TNIK: variants seen among roughly 807,000 people sequenced by gnomAD.
TNIK encodes the protein TRAF2 and NCK interacting kinase, also known as TRAF2 and NCK-interacting protein kinase.
Under a neutral mutation model 191.3 loss-of-function variants are expected in TNIK, and 49 were observed. The observed-to-expected ratio is 0.26, with a 90% confidence interval of 0.20 to 0.32. The LOEUF (loss-of-function observed/expected upper bound fraction) is 0.32, where lower values mean the gene tolerates loss of function less well. Ranked by LOEUF, TNIK falls within the 10% of genes least tolerant of loss-of-function variation. TNIK has a pLI of 1.00. For synonymous variants in TNIK, 594 were observed against 600.9 expected, an observed-to-expected ratio of 0.99 and a Z score of 0.17; for missense variants, 1,155 against 1,702.3, an observed-to-expected ratio of 0.68 and a Z score of 5.66.
In TNIK at chr3:171,188,195, G is replaced by A. The variant is rs75325148; in HGVS notation, c.639+507C>T. ...ATTTCTATGAAACATCAGGCCACAC[G>A]ACAGAAATACCATAAAGTAGTCACC... On this transcript the variant is annotated intron_variant, in intron 7 of 32. Transcript: ENST00000436636. Among the ~76,000 whole-genome samples, 559 of 152,254 alleles carry A rather than the reference G, an allele frequency of 3.7e-3. 3 individuals are homozygous for A. The highest frequency in any genetic ancestry group is 0.013 in the African/African-American group (532 of 41,558).
intron 9 of TNIK, among the ~76,000 whole-genome samples, chr3:171,174,893 A>G (rs1055808976): frequency 6.6e-6 from 1 of 152,024 alleles, no homozygotes; most frequent in African/African-American, 2.4e-5. Context: ...AAATCAGCCA[A>G]TCTAACAGGC....
chr3:171,205,392 C>T (rs1739931569), intron 4 of TNIK, among the ~76,000 whole-genome samples: 1 of 152,198 alleles, frequency 6.6e-6, no homozygotes, highest in Non-Finnish European at 1.5e-5. Flanking sequence ...TGCATAGACG[C>T]GAGTCTGACG....
At chr3:171,127,841 A>C (rs2108578029) in intron 16 of TNIK, among the ~76,000 whole-genome samples, 1 of 152,344 alleles carries the variant, frequency 6.6e-6, no homozygotes, top group Admixed American at 6.5e-5. Context: ...AAACAGCATT[A>C]CATATTTCAA....
chr3:171,407,336 G>T (rs956282585), intron 1 of TNIK, among the ~76,000 whole-genome samples: 3 of 152,178 alleles, frequency 2.0e-5, no homozygotes, highest in African/African-American at 7.2e-5. Flanking sequence ...GTGATGGTAA[G>T]ATTCTATTAA....
At chr3:171,385,219 C>G (rs1200074408) in intron 1 of TNIK, among the ~76,000 whole-genome samples, 1 of 152,026 alleles carries the variant, frequency 6.6e-6, no homozygotes, top group Non-Finnish European at 1.5e-5. Flanking sequence ...ACTGAGGTAT[C>G]TACTGCTTTG....
intron 2 of TNIK, among the ~76,000 whole-genome samples, chr3:171,300,482 C>A (rs1197724617): frequency 6.6e-6 from 1 of 151,910 alleles, no homozygotes; most frequent in Middle Eastern, 3.2e-3. Context: ...ACATCCTTTC[C>A]TTATAAGACC....
At chr3:171,082,224 G>T (rs1481181024) in intron 27 of TNIK, 27 bp downstream of exon 27, 43 of 1,606,440 alleles carry the variant, frequency 2.7e-5, no homozygotes, top group Non-Finnish European at 3.6e-5. Flanking sequence ...GTATGGACCT[G>T]GGGGACTCAT....
intron 2 of TNIK, chr3:171,346,888 G>T: frequency 5.8e-6 from 2 of 346,662 alleles, no homozygotes; most frequent in Non-Finnish European, 5.2e-6. Context: ...GTTTACTCTT[G>T]ATCACATGGG....
chr3:171,283,211 C>A (rs1560370058), intron 2 of TNIK, among the ~76,000 whole-genome samples: 2 of 150,700 alleles, frequency 1.3e-5, no homozygotes, highest in Non-Finnish European at 2.9e-5. Flanking sequence ...CCAAATACTC[C>A]TTGGATTTCG....
At chr3:171,301,754 C>T (rs939037267) in intron 2 of TNIK, among the ~76,000 whole-genome samples, 4 of 152,176 alleles carry the variant, frequency 2.6e-5, no homozygotes, top group African/African-American at 9.7e-5. Context: ...AGCAGCTATA[C>T]AGTAATCATT....
intron 12 of TNIK, among the ~76,000 whole-genome samples, chr3:171,154,753 C>T (rs1232067498): frequency 6.6e-6 from 1 of 152,134 alleles, no homozygotes; most frequent in Non-Finnish European, 1.5e-5. Context: ...CTTTTTCTCA[C>T]CATTGATGGA....
chr3:171,076,006 G>T (rs1278571984), intron 28 of TNIK, among the ~76,000 whole-genome samples: 15 of 152,130 alleles, frequency 9.9e-5, no homozygotes, highest in Admixed American at 9.8e-4. Context: ...AAAGTGCTGG[G>T]ATTACAGGCG....
At chr3:171,090,725 G>A (rs1721954789) in intron 23 of TNIK, among the ~76,000 whole-genome samples, 1 of 152,196 alleles carries the variant, frequency 6.6e-6, no homozygotes, top group African/African-American at 2.4e-5. Flanking sequence ...CACAGCTGGT[G>A]TGGTGTATTC....
chr3:171,226,127 C>G (rs181688572), intron 3 of TNIK, among the ~76,000 whole-genome samples: 1 of 152,128 alleles, frequency 6.6e-6, no homozygotes, highest in Non-Finnish European at 1.5e-5. Context: ...CCAGTATCCA[C>G]TCTCCCTTCA....
chr3:171,350,779 C>G (rs890281881), intron 2 of TNIK, among the ~76,000 whole-genome samples: 3 of 151,932 alleles, frequency 2.0e-5, no homozygotes, highest in Admixed American at 1.3e-4. Flanking sequence ...TACTATTATT[C>G]CTAAATTTCA....
chr3:171,189,238 C>T (rs1737730508), intron 6 of TNIK, among the ~76,000 whole-genome samples: 1 of 152,186 alleles, frequency 6.6e-6, no homozygotes, highest in Non-Finnish European at 1.5e-5. Flanking sequence ...ATCCACGTTG[C>T]AGCATGTGTT....
At chr3:171,156,860 T>G (rs1358205556) in intron 12 of TNIK, among the ~76,000 whole-genome samples, 2 of 152,258 alleles carry the variant, frequency 1.3e-5, no homozygotes, top group Admixed American at 6.5e-5. Flanking sequence ...AGGCAGGTCC[T>G]ACTCTTCCAT....
intron 2 of TNIK, among the ~76,000 whole-genome samples, chr3:171,232,813 T>C (rs1743821091): frequency 6.6e-6 from 1 of 152,180 alleles, no homozygotes; most frequent in African/African-American, 2.4e-5. Context: ...TGTAAAATAA[T>C]TCAACATCGA....
intron 1 of TNIK, 87 bp downstream of exon 1, chr3:171,459,920 G>GGCCCCCCCCC: frequency 1.7e-6 from 2 of 1,157,390 alleles, no homozygotes. Context: ...CTGTCCCCCT[G>GGCCCCCCCCC]CCCCAGCCCC....
Sources: gnomAD v4.1 joint callset for allele counts (sites outside exome capture counted in the v4.1 genomes callset) on GRCh38, gnomAD v4.1.1 for gene constraint, MANE v1.5 for transcripts, NCBI Gene and HGNC (gene_info 2026-07-23, HGNC 2026-07-21) for gene names.